IGSF10: variants seen among roughly 807,000 people sequenced by gnomAD.
IGSF10 encodes calvaria mechanical force protein 608.
A neutral mutation model predicts 128.2 loss-of-function variants in IGSF10; 126 were observed. The observed-to-expected ratio is 0.98, with a 90% CI of 0.85 to 1.14. IGSF10 has a LOEUF of 1.14. Among genes scored for constraint, IGSF10 ranks in the 50% most tolerant of loss-of-function variants. The probability of loss-of-function intolerance (pLI) is 0.00; values close to 1 mark genes in which losing one functional copy is unlikely to be tolerated. For missense variants in IGSF10, 3,295 were observed against 3,149.8 expected (o/e 1.05, Z -1.10); for synonymous variants, 1,185 against 1,146.2 (o/e 1.03, Z -0.68).
chr3:151,464,730 T>G (rs1432033752), upstream of IGSF10, among the ~76,000 whole-genome samples: 2 of 152,204 alleles, frequency 1.3e-5, no homozygotes, highest in African/African-American at 4.8e-5. Context: ...CTCCACTGAG[T>G]GATTCCAATA....
the IGSF10 span, among the ~76,000 whole-genome samples, chr3:151,503,884 T>C: frequency 6.6e-6 from 1 of 151,996 alleles, no homozygotes; most frequent in Non-Finnish European, 1.5e-5. Context: ...CTGTCTTCTG[T>C]TTCTGGATGG....
chr3:151,471,419 A>G, the IGSF10 span, among the ~76,000 whole-genome samples: 2 of 152,176 alleles, frequency 1.3e-5, no homozygotes, highest in Non-Finnish European at 2.9e-5. Flanking sequence ...GATGGATCCT[A>G]TGTCAGAAAC....
At chr3:151,454,297 C>T (rs570314301) in intron 4 of IGSF10, among the ~76,000 whole-genome samples, 6 of 152,044 alleles carry the variant, frequency 3.9e-5, no homozygotes, top group Admixed American at 1.3e-4. Flanking sequence ...GGATTACAGG[C>T]ACGAGCCATC....
the IGSF10 span, among the ~76,000 whole-genome samples, chr3:151,507,217 A>G: frequency 6.6e-6 from 1 of 152,082 alleles, no homozygotes; most frequent in Non-Finnish European, 1.5e-5. Flanking sequence ...TCCTCCAGGT[A>G]TAGTCTTCAC....
chr3:151,442,749 C>T (rs965372009), intron 7 of IGSF10, among the ~76,000 whole-genome samples: 1 of 151,896 alleles, frequency 6.6e-6, no homozygotes, highest in Non-Finnish European at 1.5e-5. Context: ...TTAATTCTGC[C>T]TAAAATATAA....
upstream of IGSF10, chr3:151,461,564 C>T: frequency 2.7e-6 from 1 of 369,578 alleles, no homozygotes; most frequent in Non-Finnish European, 3.3e-6. Context: ...ACATATCCAT[C>T]ATCTCACATA....
chr3:151,609,939 G>A, the IGSF10 span, among the ~76,000 whole-genome samples: 3 of 152,108 alleles, frequency 2.0e-5, no homozygotes, highest in African/African-American at 2.4e-5. Context: ...TCAGCATCAT[G>A]CAGTACACCC....
chr3:151,516,550 TAATC>T, the IGSF10 span, among the ~76,000 whole-genome samples: 2 of 152,054 alleles, frequency 1.3e-5, no homozygotes, highest in Admixed American at 1.3e-4. Flanking sequence ...CGTTGCCTCA[TAATC>T]AGTCAGAAGC....
At chr3:151,491,553 G>T in the IGSF10 span, among the ~76,000 whole-genome samples, 13 of 152,152 alleles carry the variant, frequency 8.5e-5, no homozygotes, top group Admixed American at 5.9e-4. Context: ...ACTCCAACCT[G>T]GGTGACGGAG....
the IGSF10 span, among the ~76,000 whole-genome samples, chr3:151,559,081 T>C: frequency 6.6e-6 from 1 of 152,192 alleles, no homozygotes; most frequent in Non-Finnish European, 1.5e-5. Flanking sequence ...TAGATTTAGA[T>C]GATTTAACTT....
At chr3:151,602,238 G>A in the IGSF10 span, among the ~76,000 whole-genome samples, 277 of 152,184 alleles carry the variant, frequency 1.8e-3, 2 homozygotes, top group African/African-American at 6.3e-3. Context: ...CATTACATAT[G>A]GAGAATTTAT....
chr3:151,492,796 C>T, the IGSF10 span, among the ~76,000 whole-genome samples: 1 of 151,416 alleles, frequency 6.6e-6, no homozygotes, highest in Admixed American at 6.6e-5. Context: ...TATATATACC[C>T]AAAGGAGATG....
the IGSF10 span, among the ~76,000 whole-genome samples, chr3:151,569,527 A>T: frequency 1.3e-5 from 2 of 152,270 alleles, no homozygotes; most frequent in Non-Finnish European, 2.9e-5. Context: ...GTGCTGAGAT[A>T]ATCTGTCACA....
chr3:151,596,908 G>A, the IGSF10 span, among the ~76,000 whole-genome samples: 1 of 152,128 alleles, frequency 6.6e-6, no homozygotes, highest in Non-Finnish European at 1.5e-5. Context: ...ATGGTATGGC[G>A]AGCTGCCACT....
chr3:151,455,258 T>A (rs1721730294), intron 4 of IGSF10, among the ~76,000 whole-genome samples: 1 of 151,810 alleles, frequency 6.6e-6, no homozygotes, highest in African/African-American at 2.4e-5. Context: ...TACAGGCATG[T>A]GCCACCACGC....
At chr3:151,479,440 C>T in the IGSF10 span, among the ~76,000 whole-genome samples, 16 of 151,624 alleles carry the variant, frequency 1.1e-4, no homozygotes, top group African/African-American at 2.9e-4. Flanking sequence ...GTTTATTTTC[C>T]GCTCTTTTTT....
the IGSF10 span, among the ~76,000 whole-genome samples, chr3:151,570,627 G>C: frequency 3.3e-5 from 5 of 152,264 alleles, no homozygotes; most frequent in East Asian, 7.7e-4. Flanking sequence ...GTAGATTCTG[G>C]ATATGAGCCC....
the IGSF10 span, among the ~76,000 whole-genome samples, chr3:151,475,126 A>T: frequency 6.6e-6 from 1 of 152,182 alleles, no homozygotes; most frequent in South Asian, 2.1e-4. Flanking sequence ...GTATATAGCC[A>T]TCCATTGAGA....
chr3:151,559,945 A>G, the IGSF10 span, among the ~76,000 whole-genome samples: 2 of 152,232 alleles, frequency 1.3e-5, no homozygotes, highest in African/African-American at 4.8e-5. Flanking sequence ...TGAGTCACGG[A>G]AAAGAGGACT....
Sources: allele counts gnomAD v4.1 joint callset (sites outside exome capture counted in the v4.1 genomes callset), GRCh38; gene constraint gnomAD v4.1.1; transcripts MANE v1.5; gene names NCBI Gene and HGNC (gene_info 2026-07-23, HGNC 2026-07-21).